Variants in SLC35F3 observed in about 807,000 individuals in gnomAD.
SLC35F3 encodes putative thiamine transporter SLC35F3.
SLC35F3 carries 25 observed loss-of-function variants against 49.9 expected under a neutral mutation model. The ratio of observed to expected loss-of-function variants is 0.50; its 90% CI spans 0.37 to 0.70. The LOEUF is 0.70. SLC35F3 is among the 30% of genes least tolerant of loss of function. SLC35F3 has a pLI of 0.00. For missense variants in SLC35F3, 525 were observed against 639.8 expected, an observed-to-expected ratio of 0.82 and a Z score of 1.94; for synonymous variants, 275 against 265.4, an observed-to-expected ratio of 1.04 and a Z score of -0.35.
chr1:234,275,320 A>T (rs1437691411), intron 3 of SLC35F3, among the ~76,000 whole-genome samples: 1 of 151,718 alleles, frequency 6.6e-6, no homozygotes, highest in East Asian at 1.9e-4. Context: ...GGATATGTAA[A>T]CATCCCAAAA....
intron 2 of SLC35F3, among the ~76,000 whole-genome samples, chr1:233,981,959 C>T (rs1420069661): frequency 6.6e-6 from 1 of 152,124 alleles, no homozygotes; most frequent in Non-Finnish European, 1.5e-5. Flanking sequence ...ACAGAGTCTC[C>T]CTCTGTCGCC....
At chr1:233,985,683 A>C (rs1663256207) in intron 2 of SLC35F3, among the ~76,000 whole-genome samples, 2 of 152,174 alleles carry the variant, frequency 1.3e-5, no homozygotes, top group Admixed American at 1.3e-4. Context: ...CTTTCTTTAG[A>C]CATTCTGGGG....
intron 2 of SLC35F3, among the ~76,000 whole-genome samples, chr1:234,081,904 AT>A (rs781469880): frequency 0.017 from 656 of 39,146 alleles, 3 homozygotes; most frequent in African/African-American, 0.031. Context: ...TGCCTGGCTA[AT>A]TTTTTTTTTT....
At chr1:234,019,005 A>C (rs1373723012) in intron 2 of SLC35F3, among the ~76,000 whole-genome samples, 1 of 152,320 alleles carries the variant, frequency 6.6e-6, no homozygotes, top group East Asian at 1.9e-4. Flanking sequence ...GAGCAATGCT[A>C]CCTTTGGCCA....
intron 2 of SLC35F3, among the ~76,000 whole-genome samples, chr1:233,990,864 T>C (rs938230954): frequency 1.3e-5 from 2 of 152,212 alleles, no homozygotes; most frequent in Admixed American, 6.5e-5. Context: ...GCAAAATAAT[T>C]GGCATCTGTT....
At chr1:234,133,288 A>G (rs1220123642) in intron 2 of SLC35F3, among the ~76,000 whole-genome samples, 1 of 152,246 alleles carries the variant, frequency 6.6e-6, no homozygotes, top group East Asian at 1.9e-4. Flanking sequence ...ACAATGAGAA[A>G]AACAATGTAA....
At chr1:234,034,290 G>A (rs879902877) in intron 2 of SLC35F3, among the ~76,000 whole-genome samples, 6 of 152,034 alleles carry the variant, frequency 3.9e-5, no homozygotes, top group Non-Finnish European at 8.8e-5. Context: ...TATCATCAGC[G>A]AACAGCAACA....
chr1:233,982,755 T>A (rs1397104635), intron 2 of SLC35F3, among the ~76,000 whole-genome samples: 1 of 152,216 alleles, frequency 6.6e-6, no homozygotes, highest in Non-Finnish European at 1.5e-5. Context: ...ACCTGAGGAT[T>A]TGGCAATGAA....
At chr1:234,221,466 A>C (rs1317317197) in intron 2 of SLC35F3, among the ~76,000 whole-genome samples, 1 of 152,220 alleles carries the variant, frequency 6.6e-6, no homozygotes, top group African/African-American at 2.4e-5. Flanking sequence ...ATGGGCAAAG[A>C]CAAGAATCAT....
At chr1:234,273,660 G>T (rs1278396323) in intron 3 of SLC35F3, among the ~76,000 whole-genome samples, 2 of 151,278 alleles carry the variant, frequency 1.3e-5, no homozygotes, top group South Asian at 4.2e-4. Context: ...GCTTCAGAAG[G>T]CCTTCAGAAG....
intron 3 of SLC35F3, among the ~76,000 whole-genome samples, chr1:234,244,802 T>C (rs1667607074): frequency 6.6e-6 from 1 of 152,152 alleles, no homozygotes; most frequent in Non-Finnish European, 1.5e-5. Flanking sequence ...GAGAAGAATT[T>C]AGAGGATTTG....
At chr1:233,951,082 C>T (rs772709447) in intron 2 of SLC35F3, among the ~76,000 whole-genome samples, 5 of 151,166 alleles carry the variant, frequency 3.3e-5, no homozygotes, top group Non-Finnish European at 7.4e-5. Context: ...CAGCTTCATG[C>T]TCTATAATAT....
intron 2 of SLC35F3, among the ~76,000 whole-genome samples, chr1:234,058,418 C>G (rs1179533352): frequency 2.4e-5 from 3 of 126,590 alleles, no homozygotes; most frequent in South Asian, 5.6e-4. Context: ...GAGCATGATT[C>G]ACTGTAGCCT....
rs757973458 is a variant in SLC35F3, at chr1:234,322,659, G to GTGTA, written c.1238-346_1238-345insATGT. ...GTTCAAGGGTCAAATGCGTGTGTGT[G>GTGTA]TGTGTGTGTGTGTGTGTGTGTGTGT... On this transcript the variant is annotated intron_variant, in intron 7 of 7. Transcript: ENST00000366618. 1.2e-3 allele frequency among the ~76,000 whole-genome samples: 169 copies of GTGTA among 139,338 alleles called. 1 individual carries two copies. The highest frequency in any genetic ancestry group is 2.1e-3 in the Admixed American group (25 of 11,972). The allele number at this position is 139,338 out of a possible 152,430, so 91.4% of individuals were successfully genotyped here.
chr1:234,189,318 T>C (rs2102928014), intron 2 of SLC35F3, among the ~76,000 whole-genome samples: 1 of 151,360 alleles, frequency 6.6e-6, no homozygotes, highest in African/African-American at 2.4e-5. Flanking sequence ...TTTTTAAAAA[T>C]ATACGAGATA....
At chr1:234,104,474 G>A (rs189863359) in intron 2 of SLC35F3, among the ~76,000 whole-genome samples, 40 of 152,040 alleles carry the variant, frequency 2.6e-4, no homozygotes, top group Non-Finnish European at 5.2e-4. Flanking sequence ...CACTGAGTAG[G>A]CCTTTAAATG....
At chr1:234,230,650 G>T (rs1021892423) in intron 2 of SLC35F3, among the ~76,000 whole-genome samples, 4 of 152,164 alleles carry the variant, frequency 2.6e-5, no homozygotes, top group Non-Finnish European at 4.4e-5. Context: ...CAACACTGCC[G>T]CAGAGCCAAG....
chr1:234,300,835 G>C (rs1333027861), intron 3 of SLC35F3, among the ~76,000 whole-genome samples: 2 of 152,264 alleles, frequency 1.3e-5, no homozygotes, highest in African/African-American at 4.8e-5. Flanking sequence ...GCAGTGAAGA[G>C]AGAAGCTTAA....
intron 3 of SLC35F3, among the ~76,000 whole-genome samples, chr1:234,286,145 A>G (rs550709268): frequency 6.6e-6 from 1 of 152,338 alleles, no homozygotes; most frequent in African/African-American, 2.4e-5. Context: ...AGGTGTTATT[A>G]TCTCCATTTT....
Sources: allele counts gnomAD v4.1 joint callset (sites outside exome capture counted in the v4.1 genomes callset), GRCh38; gene constraint gnomAD v4.1.1; transcripts MANE v1.5; gene names NCBI Gene and HGNC (gene_info 2026-07-23, HGNC 2026-07-21).